The following CDH13 variants were observed in gnomAD, a reference collection of about 807,000 sequenced individuals.
The protein encoded by CDH13 is cadherin-13.
In CDH13, 24 loss-of-function variants were observed where a neutral mutation model predicts 63.8. The ratio of observed to expected loss-of-function variants is 0.38; its 90% CI spans 0.27 to 0.53. The LOEUF is 0.53. Among genes scored for constraint, CDH13 ranks in the 20% least tolerant of loss-of-function variants. The pLI is 0.85. For synonymous variants in CDH13, 503 were observed against 355.3 expected (o/e 1.42, Z -4.67); for missense variants, 1,049 against 903.1 (o/e 1.16, Z -2.07).
At chr16:82,841,260 C>T (rs1437329762) in intron 1 of CDH13, among the ~76,000 whole-genome samples, 1 of 152,150 alleles carries the variant, frequency 6.6e-6, no homozygotes, top group Non-Finnish European at 1.5e-5. Flanking sequence ...ATACAGTGGC[C>T]ATATGGGACG....
At chr16:83,138,639 C>G (rs552379443) in intron 4 of CDH13, among the ~76,000 whole-genome samples, 3 of 152,262 alleles carry the variant, frequency 2.0e-5, no homozygotes, top group South Asian at 4.2e-4. Context: ...ATTGTAAAAA[C>G]TACTGTATGG....
At chr16:83,611,987 C>T (rs911068337) in intron 8 of CDH13, among the ~76,000 whole-genome samples, 2 of 151,934 alleles carry the variant, frequency 1.3e-5, no homozygotes, top group African/African-American at 4.8e-5. Flanking sequence ...AATGTTAATT[C>T]TGTAGTTGTT....
chr16:82,897,303 C>T (rs1172482886), intron 2 of CDH13, among the ~76,000 whole-genome samples: 1 of 152,072 alleles, frequency 6.6e-6, no homozygotes, highest in Non-Finnish European at 1.5e-5. Context: ...AATGTACTTC[C>T]TTCAATGAGA....
chr16:83,515,906 C>A (rs1157911401), intron 7 of CDH13, among the ~76,000 whole-genome samples: 1 of 152,004 alleles, frequency 6.6e-6, no homozygotes, highest in African/African-American at 2.4e-5. Context: ...ATTAAACAGA[C>A]AAGCCAGAAA....
intron 4 of CDH13, among the ~76,000 whole-genome samples, chr16:83,157,738 T>TATAAAAAA (rs2037269446): frequency 5.0e-5 from 5 of 99,526 alleles, no homozygotes; most frequent in Admixed American, 1.1e-4. Context: ...ACTAGAAATA[T>TATAAAAAA]AAAAAAAAAA....
chr16:83,098,681 A>C (rs1310709706), intron 3 of CDH13, among the ~76,000 whole-genome samples: 1 of 152,198 alleles, frequency 6.6e-6, no homozygotes, highest in Non-Finnish European at 1.5e-5. Context: ...GGTTCACTCC[A>C]TTATCTTCTG....
intron 2 of CDH13, among the ~76,000 whole-genome samples, chr16:82,968,197 G>A (rs921053238): frequency 4.6e-5 from 7 of 152,010 alleles, no homozygotes; most frequent in African/African-American, 9.7e-5. Context: ...ATTCTTGTGC[G>A]CCAATTGTCC....
At chr16:82,910,455 A>T (rs966571689) in intron 2 of CDH13, among the ~76,000 whole-genome samples, 7 of 151,930 alleles carry the variant, frequency 4.6e-5, no homozygotes, top group African/African-American at 1.5e-4. Context: ...TTGACTTTAG[A>T]TTTTTTTTGT....
intron 13 of CDH13, among the ~76,000 whole-genome samples, chr16:83,784,777 T>C (rs201519604): frequency 6.6e-6 from 1 of 151,064 alleles, no homozygotes; most frequent in Non-Finnish European, 1.5e-5. Flanking sequence ...ACCACCACCA[T>C]CATCATCACC....
rs766813371 is a variant in CDH13 at position 83,189,643 on chromosome 16, G to A, written c.484-27702G>A. 2.5e-4 allele frequency among the ~76,000 whole-genome samples: 38 copies of A among 152,158 alleles called. 1 individual carries two copies. Among genetic ancestry groups the A allele is most frequent in the Non-Finnish European group, 3.4e-4 (23 of 68,022 alleles). Reference sequence around the variant, plus strand: ...GTTGCACTTTGTACTCTCCCTTTGCGTGGTAGCCTGATCTTCTCCTGCCAC... The same window carrying A: ...GTTGCACTTTGTACTCTCCCTTTGCATGGTAGCCTGATCTTCTCCTGCCAC... On this transcript the variant is annotated intron_variant, in intron 4 of 13. Transcript: ENST00000567109.
chr16:82,842,101 T>C lies in CDH13; in HGVS notation c.46-16261T>C, dbSNP rs189985116. ...CAGTCTTGCATTCTACATATATATATATATATATATGTATATATATATATA... is the reference window on the plus strand; with the variant it reads ...CAGTCTTGCATTCTACATATATATACATATATATATGTATATATATATATA... On this transcript the variant is annotated intron_variant, in intron 1 of 13. Transcript: ENST00000567109. Among the ~76,000 whole-genome samples, 24 of 31,746 alleles carry C rather than the reference T, an allele frequency of 7.6e-4. 2 individuals carry two copies. The highest frequency in any genetic ancestry group is 1.5e-3 in the South Asian group (1 of 660). 20.8% of individuals were successfully genotyped at this position (31,746 alleles called of 152,430 possible).
intron 4 of CDH13, among the ~76,000 whole-genome samples, chr16:83,158,289 C>T (rs1404196029): frequency 6.6e-6 from 1 of 152,196 alleles, no homozygotes; most frequent in African/African-American, 2.4e-5. Context: ...TTCCTGCTCC[C>T]TCCCCACCCC....
chr16:82,796,483 G>A (rs922576115), intron 1 of CDH13, among the ~76,000 whole-genome samples: 3 of 152,230 alleles, frequency 2.0e-5, no homozygotes, highest in African/African-American at 7.2e-5. Flanking sequence ...CAGTGAAGGA[G>A]GACAGGGTGG....
Position 83,742,572 on chromosome 16 carries a change from A to G in CDH13, c.1539-5536A>G, listed in dbSNP as rs374370972. Among the ~76,000 whole-genome samples the G allele has an allele frequency of 5.3e-5, 8 of 152,350 alleles. No homozygotes were observed. The South Asian group carries it at 1.7e-3, about 32-fold the overall frequency. On this transcript the variant is annotated intron_variant, in intron 10 of 13. Transcript: ENST00000567109. ...GTATTTTTACACTGAAAGGTTTATT[A>G]AAAAGACAGCTTTGAAAATGTCAGA... is the stretch of plus-strand genomic sequence containing the variant.
intron 1 of CDH13, among the ~76,000 whole-genome samples, chr16:82,706,662 G>C (rs1348303702): frequency 6.6e-6 from 1 of 151,714 alleles, no homozygotes; most frequent in Non-Finnish European, 1.5e-5. Context: ...ACATTAGCCA[G>C]GTGTGGTGGT....
Position 83,042,744 on chromosome 16 carries a change from C to G in CDH13, c.366+10526C>G, listed in dbSNP as rs549004751. 1.9e-4 allele frequency among the ~76,000 whole-genome samples: 29 copies of G among 152,288 alleles called. No individual in the cohort carries two copies. The South Asian group carries it at 3.7e-3, about 20-fold the overall frequency. On this transcript the variant is annotated intron_variant, in intron 3 of 13. Transcript: ENST00000567109. The stretch of plus-strand genomic sequence containing the variant: ...TCGTGGTAAATTAATTACCTTGTCT[C>G]TAAACCGTCTCACATTGACTGGGAG...
chr16:82,629,599 A>G (rs1021601156), intron 1 of CDH13, among the ~76,000 whole-genome samples: 1 of 152,234 alleles, frequency 6.6e-6, no homozygotes, highest in East Asian at 1.9e-4. Flanking sequence ...GGTGGTGTTC[A>G]GGCAAGCCTG....
intron 5 of CDH13, among the ~76,000 whole-genome samples, chr16:83,243,987 C>T (rs572625880): frequency 7.9e-5 from 12 of 152,250 alleles, no homozygotes; most frequent in African/African-American, 2.9e-4. Flanking sequence ...GAAGGGCTTT[C>T]ATGGAACCAT....
chr16:83,679,865 G>A (rs756999199), intron 10 of CDH13, among the ~76,000 whole-genome samples: 3 of 152,196 alleles, frequency 2.0e-5, no homozygotes, highest in Non-Finnish European at 4.4e-5. Context: ...TGGACCCTGT[G>A]TCTCTGCCAT....
Sources: gnomAD v4.1 joint callset for allele counts (sites outside exome capture counted in the v4.1 genomes callset) on GRCh38, gnomAD v4.1.1 for gene constraint, MANE v1.5 for transcripts, NCBI Gene and HGNC (gene_info 2026-07-23, HGNC 2026-07-21) for gene names.